DNMT3A: variants seen among roughly 807,000 people sequenced by gnomAD.
DNMT3A encodes DNA methyltransferase 3 alpha, also known as DNA (cytosine-5)-methyltransferase 3A.
In DNMT3A, 267 loss-of-function variants were observed where a neutral mutation model predicts 117.6. The observed-to-expected ratio is 2.27, with a 90% CI of 2.05 to 2.51. DNMT3A has a LOEUF of 2.51. DNMT3A is among the 30% of genes most tolerant of loss of function. The probability of loss-of-function intolerance (pLI) is 0.00; values close to 1 mark genes in which losing one functional copy is unlikely to be tolerated. For synonymous variants in DNMT3A, 432 were observed against 474.8 expected (o/e 0.91, Z 1.17); for missense variants, 1,029 against 1,260.2 (o/e 0.82, Z 2.78).
intron 2 of DNMT3A, among the ~76,000 whole-genome samples, chr2:25,313,567 C>T (rs183776471): frequency 3.3e-5 from 5 of 152,318 alleles, no homozygotes; most frequent in African/African-American, 1.2e-4. Context: ...CACGTGAAGG[C>T]CCACGGCTAG....
chr2:25,240,478 G>T, intron 18 of DNMT3A, 28 bp from the exon 19 acceptor site: 1 of 1,591,580 alleles, frequency 6.3e-7, no homozygotes. Flanking sequence ...AAAGCCATCA[G>T]CTGGGGCTGT....
rs373014463 is a variant in DNMT3A, at chr2:25,315,102, C to T, written c.-177-941G>A. On this transcript the variant is annotated intron_variant, in intron 1 of 22. Coordinates refer to ENST00000321117, the MANE Select transcript of DNMT3A (RefSeq NM_022552.5). ...GAGGGGATTGGCAGGCAAGGGAGAG[C>T]GGGAGGCAGGCTGGATCTGGGCCCA... 9.9e-5 allele frequency among the ~76,000 whole-genome samples: 15 copies of T among 152,242 alleles called. No individual in the cohort carries two copies. The East Asian group carries it at 1.9e-3, about 20-fold the overall frequency.
At position 25,247,183 on chromosome 2, in the gene DNMT3A, T is replaced by C; in HGVS notation, c.1015-25A>G. On this transcript the variant is annotated intron_variant, in intron 8 of 22. Transcript: ENST00000321117. The surrounding 1 kb of genome is among the most constrained non-coding windows in gnomAD (Gnocchi z 5.6). ...CCTGGGGGGACAAGCCAGGCCTTGT[T>C]TGCCGAGGCTTACACTTGCAAGCAC... 1.2e-6 allele frequency: 2 copies of C among 1,609,592 alleles called. No homozygotes were observed. The highest frequency in any genetic ancestry group is 1.7e-4 in the Middle Eastern group (1 of 6,052).
intron 1 of DNMT3A, among the ~76,000 whole-genome samples, chr2:25,341,339 C>T (rs1396601200): frequency 2.1e-5 from 3 of 145,178 alleles, no homozygotes; most frequent in Admixed American, 6.8e-5. Flanking sequence ...GCCGATCCTT[C>T]TGGGTCGGGG....
chr2:25,271,211 T>A (rs2030868203), intron 6 of DNMT3A, among the ~76,000 whole-genome samples: 1 of 145,700 alleles, frequency 6.9e-6, no homozygotes, highest in Non-Finnish European at 1.5e-5. Flanking sequence ...GCCGGGTGTG[T>A]CAGCAGGTGC....
chr2:25,299,560 C>G (rs556744997), intron 3 of DNMT3A, among the ~76,000 whole-genome samples: 51 of 152,336 alleles, frequency 3.3e-4, no homozygotes, highest in Non-Finnish European at 5.7e-4. Flanking sequence ...AGTCAGGGGC[C>G]TGGTCCAAGT....
At chr2:25,249,004 A>C (rs1675204199) in intron 6 of DNMT3A, among the ~76,000 whole-genome samples, 1 of 152,190 alleles carries the variant, frequency 6.6e-6, no homozygotes, top group Non-Finnish European at 1.5e-5. Context: ...ATATCTCCTA[A>C]TGCTATCCCT....
chr2:25,267,403 C>T (rs934359820), intron 6 of DNMT3A, among the ~76,000 whole-genome samples: 6 of 151,928 alleles, frequency 3.9e-5, no homozygotes, highest in African/African-American at 1.5e-4. Context: ...AGGAGACCCC[C>T]ATCTCTACAA....
chr2:25,289,106 CTT>C (rs1204158555), intron 3 of DNMT3A, among the ~76,000 whole-genome samples: 20 of 143,770 alleles, frequency 1.4e-4, no homozygotes, highest in African/African-American at 1.5e-4. Context: ...CCTTATTTAA[CTT>C]TTTTTTTTTT....
At chr2:25,297,845 A>G (rs900680443) in intron 3 of DNMT3A, among the ~76,000 whole-genome samples, 3 of 152,170 alleles carry the variant, frequency 2.0e-5, no homozygotes, top group Admixed American at 1.3e-4. Flanking sequence ...CTGTTTGCCA[A>G]GTGCCCCAGG....
At position 25,241,666 on chromosome 2, in the gene DNMT3A, A is replaced by G. The variant is rs1674056899; in HGVS notation, c.1978T>C (p.Tyr660His). ...TCCTCACACACCTCCGAGGCAATGTAGCGGTCCACCTGAATGCCCAAGTCC... is the reference window on the plus strand; with the variant it reads ...TCCTCACACACCTCCGAGGCAATGTGGCGGTCCACCTGAATGCCCAAGTCC... The part of the protein sequence containing the change: ...LKDLGIQVDR[Y>H]IASEVCEDSI... The change falls in exon 17 of 23, where the codon TAC becomes CAC. Residue 660 changes from tyrosine to histidine, a missense_variant. Coordinates refer to ENST00000321117, the MANE Select transcript of DNMT3A (RefSeq NM_022552.5). 2.5e-6 allele frequency: 4 copies of G among 1,614,000 alleles called. No individual in the cohort carries two copies. Among genetic ancestry groups the G allele is most frequent in the South Asian group, 1.1e-5 (1 of 91,050 alleles).
intron 3 of DNMT3A, among the ~76,000 whole-genome samples, chr2:25,284,675 A>AAAAAAAAAAAAAAAAT (rs2032158986): frequency 7.8e-6 from 1 of 127,774 alleles, no homozygotes; most frequent in Non-Finnish European, 1.7e-5. Context: ...AAAAAAAAAA[A>AAAAAAAAAAAAAAAAT]GACTATACAA....
intron 2 of DNMT3A, among the ~76,000 whole-genome samples, chr2:25,303,916 G>A (rs1350650526): frequency 6.6e-6 from 1 of 152,244 alleles, no homozygotes; most frequent in East Asian, 1.9e-4. Flanking sequence ...ATCTGTCACG[G>A]GGTCTGTTTT....
At position 25,244,233 on chromosome 2, in the gene DNMT3A, GGTACCCT is replaced by G; in HGVS notation, c.1766_1772del (p.Lys589ThrfsTer60). The G allele has an allele frequency of 6.2e-7, 1 of 1,614,060 alleles. No individual in the cohort carries two copies. On this transcript the variant is annotated frameshift_variant, in exon 15 of 23. Transcript: ENST00000321117. LOFTEE classifies it high-confidence loss of function. The stretch of plus-strand genomic sequence containing the variant: ...CCTCTCGCCGCCGCAGCAGCCCGTA[GGTACCCT>G]TGTGCCCGCACATGTAGCAGTTCCA...
intron 1 of DNMT3A, among the ~76,000 whole-genome samples, chr2:25,319,474 T>C (rs2034511684): frequency 6.6e-6 from 1 of 152,148 alleles, no homozygotes; most frequent in South Asian, 2.1e-4. Context: ...TTCAGACATA[T>C]GAGGCCTCAC....
Position 25,240,421 on chromosome 2 carries a change from AGAACTCAAAGAAG to A in DNMT3A, c.2190_2202del (p.Phe731ThrfsTer44). ...GGCCGCGCATCATGCAGGAGGCGGT[AGAACTCAAAGAAG>A]AGCCGGCCAGTGCCCTCTGAGAGGT... On this transcript the variant is annotated frameshift_variant, in exon 19 of 23. Coordinates refer to ENST00000321117, the MANE Select transcript of DNMT3A (RefSeq NM_022552.5). LOFTEE classifies it high-confidence loss of function. 1 of 1,612,134 alleles carries A rather than the reference AGAACTCAAAGAAG, an allele frequency of 6.2e-7. No individual in the cohort carries two copies. Among genetic ancestry groups the A allele is most frequent in the Non-Finnish European group, 8.5e-7 (1 of 1,179,086 alleles).
chr2:25,297,391 C>T (rs1448043673), intron 3 of DNMT3A, among the ~76,000 whole-genome samples: 1 of 152,192 alleles, frequency 6.6e-6, no homozygotes, highest in Non-Finnish European at 1.5e-5. Context: ...TGCGCCCCGC[C>T]TCCCAGGGCT....
In DNMT3A at chr2:25,237,522, C is replaced by T. The variant is rs563224470; in HGVS notation, c.2409-517G>A. Among the ~76,000 whole-genome samples, 453 of 152,310 alleles carry T rather than the reference C, an allele frequency of 3.0e-3. 3 individuals are homozygous for T. Among genetic ancestry groups the T allele is most frequent in the African/African-American group, 0.01 (434 of 41,564 alleles). On this transcript the variant is annotated intron_variant, in intron 20 of 22. Coordinates refer to ENST00000321117, the MANE Select transcript of DNMT3A (RefSeq NM_022552.5). This position sits in a 1 kb window ranked among gnomAD's most constrained non-coding sequence, Gnocchi z 5.4. ...GTGGCTCATGCCTGCAATCCCAGCC[C>T]TTTGGAAGGCTGAGGCAGGCGGGTC... is the stretch of plus-strand genomic sequence containing the variant.
chr2:25,292,053 G>C (rs1309136495), intron 3 of DNMT3A, among the ~76,000 whole-genome samples: 1 of 152,202 alleles, frequency 6.6e-6, no homozygotes, highest in South Asian at 2.1e-4. Flanking sequence ...TTGGGAGTTC[G>C]AGACCAGCCT....
Sources: gnomAD v4.1 joint callset for allele counts (sites outside exome capture counted in the v4.1 genomes callset) on GRCh38, gnomAD v4.1.1 for gene constraint, Gnocchi (gnomAD v3.1) non-coding constraint, MANE v1.5 for transcripts, NCBI Gene and HGNC (gene_info 2026-07-23, HGNC 2026-07-21) for gene names.